The following CNTN5 variants were observed in gnomAD, a reference collection of about 807,000 sequenced individuals.
The protein encoded by CNTN5 is contactin-5.
A neutral mutation model predicts 129.1 loss-of-function variants in CNTN5; 77 were observed. The observed-to-expected ratio is 0.60, with a 90% CI of 0.50 to 0.72. CNTN5 has a LOEUF of 0.72. Among genes scored for constraint, CNTN5 ranks in the 30% least tolerant of loss-of-function variants. The pLI is 0.00. For missense variants in CNTN5, 1,478 were observed against 1,328.8 expected (o/e 1.11, Z -1.75); for synonymous variants, 509 against 465.6 (o/e 1.09, Z -1.20).
chr11:100,068,824 A>G (rs1432763290), intron 10 of CNTN5, among the ~76,000 whole-genome samples: 1 of 152,182 alleles, frequency 6.6e-6, no homozygotes, highest in African/African-American at 2.4e-5. Flanking sequence ...AGTCTAGACT[A>G]TATTGGCCAG....
At position 99,243,626 on chromosome 11, in the gene CNTN5, C is replaced by G. The variant is rs112929427; in HGVS notation, c.-209-81720C>G. Reference sequence around the variant, plus strand: ...CACTTAAATATTTAATCTATCTTGACTTAATTTTTGTATATGGTGAAAGGC... The same window carrying G: ...CACTTAAATATTTAATCTATCTTGAGTTAATTTTTGTATATGGTGAAAGGC... On this transcript the variant is annotated intron_variant, in intron 1 of 24. Transcript: ENST00000524871. 3.4e-4 allele frequency among the ~76,000 whole-genome samples: 51 copies of G among 151,810 alleles called. 2 individuals carry two copies. Among genetic ancestry groups the G allele is most frequent in the African/African-American group, 1.1e-3 (45 of 41,448 alleles).
chr11:99,096,068 A>C (rs1299270074), intron 1 of CNTN5, among the ~76,000 whole-genome samples: 2 of 151,942 alleles, frequency 1.3e-5, no homozygotes, highest in East Asian at 3.8e-4. Flanking sequence ...TAGTTGAATT[A>C]ATATCTTGCA....
intron 2 of CNTN5, among the ~76,000 whole-genome samples, chr11:99,523,664 C>CAGAAT (rs1565258722): frequency 5.9e-4 from 17 of 28,916 alleles, no homozygotes; most frequent in African/African-American, 2.5e-3. Flanking sequence ...CAGAACAGAT[C>CAGAAT]AGAACAGAAC....
At chr11:100,212,161 A>G (rs986372533) in intron 15 of CNTN5, among the ~76,000 whole-genome samples, 1 of 152,182 alleles carries the variant, frequency 6.6e-6, no homozygotes, top group Non-Finnish European at 1.5e-5. Context: ...AAATTAAATC[A>G]TATTTTACAT....
chr11:100,071,629 A>C, intron 11 of CNTN5, 76 bp from the exon 12 acceptor site: 5 of 1,118,206 alleles, frequency 4.5e-6, no homozygotes, highest in Non-Finnish European at 6.1e-6. Context: ...GTTTTTTCTT[A>C]GTCTAGGAGA....
intron 3 of CNTN5, among the ~76,000 whole-genome samples, chr11:99,777,284 T>C (rs962673389): frequency 6.6e-6 from 1 of 151,858 alleles, no homozygotes; most frequent in African/African-American, 2.4e-5. Flanking sequence ...CCCATGGATA[T>C]TGAAATTTTT....
chr11:100,202,747 C>T (rs1424308431), intron 15 of CNTN5, among the ~76,000 whole-genome samples: 2 of 151,850 alleles, frequency 1.3e-5, no homozygotes, highest in Non-Finnish European at 2.9e-5. Flanking sequence ...TGTAACTACA[C>T]TGTTAGTCAG....
intron 3 of CNTN5, among the ~76,000 whole-genome samples, chr11:99,577,396 T>A (rs1055785094): frequency 6.6e-6 from 1 of 152,192 alleles, no homozygotes; most frequent in Non-Finnish European, 1.5e-5. Flanking sequence ...AGTACATGAC[T>A]AGTGATTCTA....
intron 13 of CNTN5, among the ~76,000 whole-genome samples, chr11:100,075,960 A>G (rs1206327310): frequency 1.3e-5 from 2 of 152,062 alleles, no homozygotes; most frequent in Non-Finnish European, 2.9e-5. Context: ...GAGCCCCAAC[A>G]TCGTACAACT....
At chr11:99,073,807 G>T (rs1051404530) in intron 1 of CNTN5, among the ~76,000 whole-genome samples, 6 of 151,810 alleles carry the variant, frequency 4.0e-5, no homozygotes, top group Non-Finnish European at 8.8e-5. Flanking sequence ...CCAAGTCTTT[G>T]CTATTGTAAA....
At chr11:99,886,600 T>C (rs1003311226) in intron 6 of CNTN5, among the ~76,000 whole-genome samples, 1 of 152,146 alleles carries the variant, frequency 6.6e-6, no homozygotes, top group African/African-American at 2.4e-5. Flanking sequence ...GAAAACCATA[T>C]ACCATGAGAC....
At chr11:99,425,195 T>C (rs930147518) in intron 2 of CNTN5, among the ~76,000 whole-genome samples, 3 of 152,148 alleles carry the variant, frequency 2.0e-5, no homozygotes, top group African/African-American at 4.8e-5. Context: ...TGGGTGGCCA[T>C]AGGCAGACCT....
intron 6 of CNTN5, among the ~76,000 whole-genome samples, chr11:99,913,703 C>A (rs1949719078): frequency 6.6e-6 from 1 of 151,926 alleles, no homozygotes; most frequent in Non-Finnish European, 1.5e-5. Flanking sequence ...CTAGGGCATG[C>A]CTGTACTTCA....
intron 3 of CNTN5, among the ~76,000 whole-genome samples, chr11:99,676,988 A>G (rs981317340): frequency 6.6e-6 from 1 of 152,140 alleles, no homozygotes; most frequent in African/African-American, 2.4e-5. Context: ...ACACTTTTAG[A>G]AACTCAAACT....
chr11:99,292,572 C>T (rs774941419), intron 1 of CNTN5, among the ~76,000 whole-genome samples: 11 of 152,130 alleles, frequency 7.2e-5, no homozygotes, highest in Non-Finnish European at 1.3e-4. Flanking sequence ...AGGGTCCAGT[C>T]CTTCCTTCCC....
At chr11:99,171,218 A>C (rs543080731) in intron 1 of CNTN5, among the ~76,000 whole-genome samples, 111 of 152,322 alleles carry the variant, frequency 7.3e-4, no homozygotes, top group Non-Finnish European at 1.0e-3. Flanking sequence ...TACATATGCC[A>C]TCAATTATTA....
intron 8 of CNTN5, among the ~76,000 whole-genome samples, chr11:99,995,727 A>G (rs1384455204): frequency 6.6e-6 from 1 of 152,204 alleles, no homozygotes; most frequent in East Asian, 1.9e-4. Context: ...ATCTGTGCCA[A>G]ATCATGGCTG....
intron 13 of CNTN5, among the ~76,000 whole-genome samples, chr11:100,121,055 T>A (rs1946004077): frequency 6.6e-6 from 1 of 151,908 alleles, no homozygotes; most frequent in Non-Finnish European, 1.5e-5. Flanking sequence ...CATACAAATG[T>A]ATTGGATCAT....
At chr11:99,558,317 C>A in intron 3 of CNTN5, 2 of 396,716 alleles carry the variant, frequency 5.0e-6, no homozygotes, top group South Asian at 1.8e-5. Flanking sequence ...GGTAGGGTTG[C>A]AAGATGAAAT....
Sources: allele counts gnomAD v4.1 joint callset (sites outside exome capture counted in the v4.1 genomes callset), GRCh38; gene constraint gnomAD v4.1.1; transcripts MANE v1.5; gene names NCBI Gene and HGNC (gene_info 2026-07-23, HGNC 2026-07-21).